The following LRRC37A2 variants were observed in gnomAD, a reference collection of about 807,000 sequenced individuals.
LRRC37A2 encodes leucine rich repeat containing 37 member A2.
LRRC37A2 carries 9 observed loss-of-function variants against 68.8 expected under a neutral mutation model. That is an observed-to-expected ratio of 0.13 (90% confidence interval 0.08 to 0.23). The LOEUF (loss-of-function observed/expected upper bound fraction) is 0.23. Among genes scored for constraint, LRRC37A2 ranks in the 10% least tolerant of loss-of-function variants. The pLI is 1.00. For synonymous variants in LRRC37A2, 63 were observed against 367.6 expected (o/e 0.17, Z 9.48); for missense variants, 168 against 950.4 (o/e 0.18, Z 10.82).
At chr17:46,569,196 C>G in the LRRC37A2 span, among the ~76,000 whole-genome samples, 6 of 151,798 alleles carry the variant, frequency 4.0e-5, no homozygotes, top group African/African-American at 1.5e-4. Context: ...GATCCACCAG[C>G]CTTGGCTTCC....
At chr17:47,010,202 C>A in the LRRC37A2 span, among the ~76,000 whole-genome samples, 1 of 152,248 alleles carries the variant, frequency 6.6e-6, no homozygotes, top group Non-Finnish European at 1.5e-5. Context: ...AGAAGCTTAG[C>A]GCCTCAGATG....
chr17:46,456,205 GGGATATGT>G, the LRRC37A2 span, among the ~76,000 whole-genome samples: 1 of 71,242 alleles, frequency 1.4e-5, no homozygotes, highest in South Asian at 7.2e-4. Context: ...AGTATTCCAT[GGGATATGT>G]GTGTGTGTGT....
the LRRC37A2 span, among the ~76,000 whole-genome samples, chr17:46,875,884 A>G: frequency 6.6e-6 from 1 of 152,310 alleles, no homozygotes; most frequent in South Asian, 2.1e-4. Flanking sequence ...GGGAGACACC[A>G]GTGCTCTAGC....
chr17:46,972,776 A>C, the LRRC37A2 span, among the ~76,000 whole-genome samples: 1 of 152,058 alleles, frequency 6.6e-6, no homozygotes, highest in African/African-American at 2.4e-5. Context: ...GGCAGCACTC[A>C]ATCTCCCGTG....
the LRRC37A2 span, among the ~76,000 whole-genome samples, chr17:46,392,469 CTTTCCTTT>C: frequency 1.4e-4 from 8 of 56,376 alleles, 1 homozygote; most frequent in African/African-American, 4.3e-4. Flanking sequence ...TTCTTTCTTT[CTTTCCTTT>C]CTTTCTTTCC....
chr17:46,912,318 G>A, the LRRC37A2 span, among the ~76,000 whole-genome samples: 47 of 152,182 alleles, frequency 3.1e-4, no homozygotes, highest in African/African-American at 1.1e-3. Flanking sequence ...CTTTGCCCTG[G>A]CCCAGCTCAC....
At chr17:46,872,775 TG>T in the LRRC37A2 span, 1 of 1,359,308 alleles carries the variant, frequency 7.4e-7, no homozygotes, top group Non-Finnish European at 9.8e-7. Context: ...TCAAGAGAGG[TG>T]GGGAGGAGGG....
At chr17:46,888,526 C>T in the LRRC37A2 span, among the ~76,000 whole-genome samples, 7 of 152,070 alleles carry the variant, frequency 4.6e-5, no homozygotes, top group Non-Finnish European at 8.8e-5. Context: ...AACACTGCTG[C>T]GGCATTTTAC....
At chr17:46,849,449 G>T in the LRRC37A2 span, among the ~76,000 whole-genome samples, 1 of 152,202 alleles carries the variant, frequency 6.6e-6, no homozygotes, top group East Asian at 1.9e-4. Flanking sequence ...ACCTGCCTAG[G>T]GGGTGTGGCT....
the LRRC37A2 span, among the ~76,000 whole-genome samples, chr17:46,764,821 C>G: frequency 2.6e-5 from 4 of 152,154 alleles, no homozygotes; most frequent in Non-Finnish European, 4.4e-5. Flanking sequence ...GTCACAGGAG[C>G]AGTAAGGCTT....
At chr17:46,740,509 G>GA in the LRRC37A2 span, among the ~76,000 whole-genome samples, 1 of 152,166 alleles carries the variant, frequency 6.6e-6, no homozygotes, top group African/African-American at 2.4e-5. Context: ...GATAGGTAGG[G>GA]AAAATCTACT....
the LRRC37A2 span, among the ~76,000 whole-genome samples, chr17:46,678,789 A>G: frequency 7.7e-6 from 1 of 130,112 alleles, no homozygotes; most frequent in Non-Finnish European, 1.6e-5. Context: ...CAAATAAGCA[A>G]CAACTAGCTA....
chr17:47,001,118 C>T, the LRRC37A2 span, among the ~76,000 whole-genome samples: 1 of 152,066 alleles, frequency 6.6e-6, no homozygotes, highest in South Asian at 2.1e-4. Context: ...TCTGGGCGAC[C>T]TTCCTGCACT....
chr17:46,852,096 T>C, the LRRC37A2 span, among the ~76,000 whole-genome samples: 2 of 152,234 alleles, frequency 1.3e-5, no homozygotes, highest in East Asian at 1.9e-4. Flanking sequence ...CGGTGCCCTG[T>C]CTGCCGCCAT....
At chr17:47,007,968 G>A in the LRRC37A2 span, 1 of 152,142 alleles carries the variant, frequency 6.6e-6, no homozygotes, top group Non-Finnish European at 1.5e-5. Context: ...CAGACAAACA[G>A]TGATGCTTAT....
chr17:46,851,710 C>T, the LRRC37A2 span: 12 of 1,308,050 alleles, frequency 9.2e-6, no homozygotes, highest in Non-Finnish European at 1.2e-5. The surrounding 1 kb of genome is among the most constrained non-coding windows in gnomAD (Gnocchi z 4.3). Flanking sequence ...CCGCCTCCTA[C>T]TTCGGGTCAG....
At chr17:46,704,962 C>G in the LRRC37A2 span, 42 of 1,036,986 alleles carry the variant, frequency 4.1e-5, no homozygotes, top group African/African-American at 6.9e-4. Context: ...ATAGCATATG[C>G]AGTTTCATAA....
At chr17:46,823,514 C>T in the LRRC37A2 span, among the ~76,000 whole-genome samples, 1 of 152,036 alleles carries the variant, frequency 6.6e-6, no homozygotes, top group East Asian at 1.9e-4. Flanking sequence ...TCTCGGCTCA[C>T]TGCAACCTCC....
At chr17:46,713,742 A>G in the LRRC37A2 span, 14 of 909,866 alleles carry the variant, frequency 1.5e-5, no homozygotes, top group Admixed American at 4.2e-4. Context: ...GGAAATGTTA[A>G]TGAGCAACTA....
Sources: gnomAD v4.1 joint callset for allele counts (sites outside exome capture counted in the v4.1 genomes callset) on GRCh38, gnomAD v4.1.1 for gene constraint, Gnocchi (gnomAD v3.1) non-coding constraint, MANE v1.5 for transcripts, NCBI Gene and HGNC (gene_info 2026-07-23, HGNC 2026-07-21) for gene names.